NDFIP2: variants seen among roughly 807,000 people sequenced by gnomAD.
NDFIP2 encodes the protein Nedd4 family interacting protein 2.
NDFIP2 carries 19 observed loss-of-function variants against 36.0 expected under a neutral mutation model. The observed-to-expected ratio is 0.53, with a 90% confidence interval of 0.37 to 0.77. NDFIP2 has a LOEUF of 0.77. NDFIP2 is among the 30% of genes least tolerant of loss of function. The pLI is 0.00. For missense variants in NDFIP2, 446 were observed against 435.8 expected (o/e 1.02, Z -0.21); for synonymous variants, 181 against 167.7 (o/e 1.08, Z -0.61).
intron 1 of NDFIP2, among the ~76,000 whole-genome samples, chr13:79,519,950 G>A (rs188491292): frequency 2.0e-5 from 3 of 152,116 alleles, no homozygotes; most frequent in East Asian, 1.9e-4. Flanking sequence ...ACAGGTGTGC[G>A]ACACCACACT....
chr13:79,551,069 G>A lies in NDFIP2; in HGVS notation c.960G>A (p.Met320Ile), dbSNP rs778043002. ...GFVNYLKVRN[M>I]SESMAAAHRT... Reference sequence around the variant, plus strand: ...TTAATTATCTAAAAGTCAGAAACATGTCTGAAAGTATGGCAGCTGCTCATA... The same window carrying A: ...TTAATTATCTAAAAGTCAGAAACATATCTGAAAGTATGGCAGCTGCTCATA... The change falls in exon 7 of 8, where the codon ATG (methionine) becomes ATA (isoleucine). Residue 320 changes from methionine (M) to isoleucine (I), a missense_variant. By Grantham distance (10) the Met-to-Ile change is conservative (BLOSUM62 1). Transcript: ENST00000218652. 6 of 1,605,258 alleles carry A rather than the reference G, an allele frequency of 3.7e-6. No individual in the cohort carries two copies. The highest frequency in any genetic ancestry group is 5.1e-6 in the Non-Finnish European group (6 of 1,175,288).
intron 1 of NDFIP2, among the ~76,000 whole-genome samples, chr13:79,499,499 CAG>C (rs58751274): frequency 0.043 from 6,488 of 151,898 alleles, 474 homozygotes; most frequent in African/African-American, 0.15. Flanking sequence ...CAAAATAAAA[CAG>C]AACCCTCCTG....
At chr13:79,549,820 T>C (rs1041280247) in intron 6 of NDFIP2, among the ~76,000 whole-genome samples, 4 of 151,904 alleles carry the variant, frequency 2.6e-5, no homozygotes, top group African/African-American at 9.7e-5. Flanking sequence ...TGGAAGGGCA[T>C]GAGGGTGGAA....
chr13:79,531,635 T>A (rs774821922), intron 2 of NDFIP2, among the ~76,000 whole-genome samples: 14 of 152,180 alleles, frequency 9.2e-5, no homozygotes, highest in Non-Finnish European at 1.9e-4. Flanking sequence ...CTTCTTTGAT[T>A]TAGCCTTATA....
At chr13:79,537,225 A>G (rs1875276417) in intron 3 of NDFIP2, among the ~76,000 whole-genome samples, 1 of 152,094 alleles carries the variant, frequency 6.6e-6, no homozygotes, top group Non-Finnish European at 1.5e-5. Flanking sequence ...CTCCTGCCTT[A>G]GCCTCTTGAG....
chr13:79,519,180 T>C (rs890348176), intron 1 of NDFIP2: 4 of 152,340 alleles, frequency 2.6e-5, no homozygotes, highest in Middle Eastern at 3.4e-3. Flanking sequence ...GTATGTATAC[T>C]AGCTTTGTGA....
chr13:79,486,404 T>TGTATTTATCAA (rs1872991037), intron 1 of NDFIP2, among the ~76,000 whole-genome samples: 2 of 152,246 alleles, frequency 1.3e-5, no homozygotes, highest in Admixed American at 6.5e-5. Context: ...TGTATTGTTG[T>TGTATTTATCAA]GTATTTATCA....
intron 1 of NDFIP2, among the ~76,000 whole-genome samples, chr13:79,515,210 AG>A (rs751894058): frequency 0.059 from 9,031 of 152,238 alleles, 549 homozygotes; most frequent in African/African-American, 0.15. Context: ...GTACAGTAAA[AG>A]TTTGATATAA....
chr13:79,549,009 A>G (rs2137118579), intron 6 of NDFIP2, among the ~76,000 whole-genome samples: 1 of 152,004 alleles, frequency 6.6e-6, no homozygotes, highest in Admixed American at 6.6e-5. Flanking sequence ...TATATCTTTA[A>G]TCCACATTTC....
intron 1 of NDFIP2, among the ~76,000 whole-genome samples, chr13:79,513,290 CTTTG>C (rs1223379696): frequency 1.3e-5 from 2 of 152,180 alleles, no homozygotes; most frequent in Admixed American, 6.5e-5. Context: ...CACATGTCTA[CTTTG>C]TTTAACACAC....
intron 1 of NDFIP2, among the ~76,000 whole-genome samples, chr13:79,514,336 C>T (rs528422381): frequency 3.9e-5 from 6 of 152,206 alleles, no homozygotes; most frequent in Admixed American, 1.3e-4. Context: ...TAAATTTTAA[C>T]GGAAGCTGAA....
chr13:79,547,570 A>G (rs901557042), intron 5 of NDFIP2, among the ~76,000 whole-genome samples: 1 of 152,194 alleles, frequency 6.6e-6, no homozygotes, highest in Admixed American at 6.5e-5. Context: ...TTTAAAATTA[A>G]TGAAGTGTGA....
At chr13:79,484,479 A>G (rs2079831674) in intron 1 of NDFIP2, among the ~76,000 whole-genome samples, 1 of 152,252 alleles carries the variant, frequency 6.6e-6, no homozygotes, top group South Asian at 2.1e-4. Flanking sequence ...TGTAACTGGA[A>G]GATTTATAAT....
chr13:79,554,805 AT>A lies in NDFIP2; in HGVS notation c.*2297del, dbSNP rs1353371664. 4 of 151,952 alleles carry A rather than the reference AT, an allele frequency of 2.6e-5. No individual in the cohort carries two copies. The highest frequency in any genetic ancestry group is 4.1e-4 in the South Asian group (2 of 4,836). 9.4% of individuals were successfully genotyped at this position (151,952 alleles called of 1,614,324 possible). On this transcript the variant is annotated 3_prime_UTR_variant, in exon 8 of 8. Coordinates refer to ENST00000218652, the MANE Select transcript of NDFIP2 (RefSeq NM_019080.3). ...AAAACTCTTGTTAGGGTATCTAAAC[AT>A]TTTTGAGTGTGAACTGGGGATTGGA...
rs1371311409 is a variant in NDFIP2 at position 79,507,521 on chromosome 13, G to A, written c.322-13289G>A. The stretch of plus-strand genomic sequence containing the variant: ...GATCTCCTGACCTCGTGATCCGCCC[G>A]CCTCGGCCTCCCAAAGTGCTGGGAT... On this transcript the variant is annotated intron_variant, in intron 1 of 7. Transcript: ENST00000218652. Among the ~76,000 whole-genome samples, 3 of 34,568 alleles carry A rather than the reference G, an allele frequency of 8.7e-5. 1 individual carries two copies. The highest frequency in any genetic ancestry group is 9.5e-4 in the East Asian group (1 of 1,048). The allele number at this position is 34,568 out of a possible 152,430, so 22.7% of individuals were successfully genotyped here.
At chr13:79,538,631 G>A (rs545719379) in intron 3 of NDFIP2, among the ~76,000 whole-genome samples, 2 of 152,188 alleles carry the variant, frequency 1.3e-5, no homozygotes, top group Admixed American at 1.3e-4. Context: ...CGCCCAGACT[G>A]GAGTGCAGCG....
At chr13:79,551,484 C>T (rs1007096300) in intron 7 of NDFIP2, among the ~76,000 whole-genome samples, 1 of 151,126 alleles carries the variant, frequency 6.6e-6, no homozygotes, top group Non-Finnish European at 1.5e-5. Context: ...GTACTTAGAC[C>T]GAAGGAATGA....
At chr13:79,533,576 A>G (rs1249398392) in intron 3 of NDFIP2, 120 bp downstream of exon 3, 1 of 875,446 alleles carries the variant, frequency 1.1e-6, no homozygotes, top group African/African-American at 1.7e-5. Flanking sequence ...TTTGAGCATT[A>G]TGGGTTTAAA....
rs540805042 is a variant in NDFIP2, at chr13:79,528,082, G to A, written c.488-5241G>A. Among the ~76,000 whole-genome samples, 45 of 152,120 alleles carry A rather than the reference G, an allele frequency of 3.0e-4. 1 individual carries two copies. Among genetic ancestry groups the A allele is most frequent in the Admixed American group, 7.9e-4 (12 of 15,280 alleles). On this transcript the variant is annotated intron_variant, in intron 2 of 7. Coordinates refer to ENST00000218652, the MANE Select transcript of NDFIP2 (RefSeq NM_019080.3). ...TTGAGACCAGCCTGGGCAACTTGGC[G>A]AAACCCTCATCAACAAAAAATACAA...
Sources: allele counts gnomAD v4.1 joint callset (sites outside exome capture counted in the v4.1 genomes callset), GRCh38; gene constraint gnomAD v4.1.1; transcripts MANE v1.5; gene names NCBI Gene and HGNC (gene_info 2026-07-23, HGNC 2026-07-21).